Variants in HEATR4 observed in about 807,000 individuals in gnomAD.
HEATR4 encodes HEAT repeat-containing protein 4.
A neutral mutation model predicts 108.8 loss-of-function variants in HEATR4; 95 were observed. The ratio of observed to expected loss-of-function variants is 0.87; its 90% CI spans 0.74 to 1.04. HEATR4 has a LOEUF of 1.04. Among genes scored for constraint, HEATR4 ranks in the 50% least tolerant of loss-of-function variants. The pLI, the probability that HEATR4 is intolerant of heterozygous loss-of-function variation, is 0.00. For missense variants in HEATR4, 1,152 were observed against 1,253.8 expected, an observed-to-expected ratio of 0.92 and a Z score of 1.23; for synonymous variants, 443 against 459.4, an observed-to-expected ratio of 0.96 and a Z score of 0.46.
chr14:73,553,297 A>G (rs1889349832), intron 1 of HEATR4, among the ~76,000 whole-genome samples: 1 of 114,396 alleles, frequency 8.7e-6, no homozygotes, highest in South Asian at 2.8e-4. Flanking sequence ...ACCTGGGCTC[A>G]GGAGTTCAAG....
intron 1 of HEATR4, among the ~76,000 whole-genome samples, chr14:73,546,565 G>A (rs1459769179): frequency 2.6e-5 from 3 of 113,776 alleles, no homozygotes; most frequent in Non-Finnish European, 5.7e-5. Context: ...GTTTCACCAT[G>A]TTGTCCAGGC....
chr14:73,589,794 T>TGGAGATTGTACCTTCTGATGTTCCCA, the HEATR4 span, among the ~76,000 whole-genome samples: 1 of 152,150 alleles, frequency 6.6e-6, no homozygotes, highest in Non-Finnish European at 1.5e-5. Context: ...GCAGCGTGTC[T>TGGAGATTGTACCTTCTGATGTTCCCA]GGAGATTGTA....
the HEATR4 span, among the ~76,000 whole-genome samples, chr14:73,626,087 C>T: frequency 2.0e-5 from 3 of 152,288 alleles, no homozygotes; most frequent in East Asian, 5.8e-4. Flanking sequence ...GTAAAACATC[C>T]TTATGGCTGA....
chr14:73,505,238 T>A (rs897353224), intron 10 of HEATR4, among the ~76,000 whole-genome samples: 1 of 152,124 alleles, frequency 6.6e-6, no homozygotes, highest in Admixed American at 6.6e-5. Flanking sequence ...CTTTAACCAA[T>A]AAATTTAACC....
chr14:73,484,273 T>TA lies in HEATR4; in HGVS notation c.2845-5432dup, dbSNP rs550118732. On this transcript the variant is annotated intron_variant, in intron 17 of 17. Transcript: ENST00000553558. ...ATTCAACATCCTAGATAGCATCTGT[T>TA]ACGACGTATAGCAAGACTCAGCCAA... Among the ~76,000 whole-genome samples the TA allele has an allele frequency of 8.4e-4, 128 of 152,232 alleles. 1 individual carries two copies. Among genetic ancestry groups the TA allele is most frequent in the East Asian group, 1.5e-3 (8 of 5,188 alleles).
At chr14:73,503,958 C>T (rs1219130637) in intron 10 of HEATR4, among the ~76,000 whole-genome samples, 1 of 151,960 alleles carries the variant, frequency 6.6e-6, no homozygotes. Context: ...TTTCAGTTGT[C>T]AATTCTAAGT....
At chr14:73,615,555 A>G in the HEATR4 span, among the ~76,000 whole-genome samples, 1 of 151,790 alleles carries the variant, frequency 6.6e-6, no homozygotes, top group African/African-American at 2.4e-5. Flanking sequence ...ACATGGTGAA[A>G]CCCCATCTCT....
chr14:73,572,757 T>C, the HEATR4 span, among the ~76,000 whole-genome samples: 1 of 147,480 alleles, frequency 6.8e-6, no homozygotes, highest in Non-Finnish European at 1.5e-5. Flanking sequence ...GCGATTCTCC[T>C]CCCTCAGCCT....
chr14:73,597,467 C>T, the HEATR4 span, among the ~76,000 whole-genome samples: 1 of 151,938 alleles, frequency 6.6e-6, no homozygotes, highest in African/African-American at 2.4e-5. Context: ...TCACTGCAAC[C>T]TCTGTCTCCC....
chr14:73,523,366 G>T, intron 2 of HEATR4, 142 bp from the exon 3 acceptor site: 1 of 547,010 alleles, frequency 1.8e-6, no homozygotes. Context: ...AACAAAAGAA[G>T]AAAATGGTGC....
At chr14:73,607,411 C>T in the HEATR4 span, among the ~76,000 whole-genome samples, 1 of 152,192 alleles carries the variant, frequency 6.6e-6, no homozygotes, top group Non-Finnish European at 1.5e-5. Flanking sequence ...CAAGGCTGCA[C>T]ACAGCAGGAG....
intron 14 of HEATR4, 136 bp from the exon 15 acceptor site, chr14:73,496,815 A>G (rs1363011140): frequency 8.1e-6 from 5 of 614,278 alleles, no homozygotes; most frequent in Non-Finnish European, 1.5e-5. Context: ...TGAGCCTTAT[A>G]TGCAAAAATG....
chr14:73,508,576 C>A (rs1886996798), intron 8 of HEATR4, among the ~76,000 whole-genome samples: 1 of 151,796 alleles, frequency 6.6e-6, no homozygotes, highest in South Asian at 2.1e-4. Context: ...TGGTAAAACC[C>A]CATCTCTACT....
At chr14:73,604,247 C>T in the HEATR4 span, among the ~76,000 whole-genome samples, 1 of 146,542 alleles carries the variant, frequency 6.8e-6, no homozygotes, top group Non-Finnish European at 1.5e-5. Context: ...TCACTGCCAC[C>T]TCCACTTTCT....
chr14:73,562,419 A>G (rs1300144965), upstream of HEATR4, among the ~76,000 whole-genome samples: 1 of 152,056 alleles, frequency 6.6e-6, no homozygotes, highest in East Asian at 1.9e-4. Flanking sequence ...TGATTGTAAA[A>G]CATGTGTTTG....
the HEATR4 span, among the ~76,000 whole-genome samples, chr14:73,566,438 A>G: frequency 6.6e-6 from 1 of 151,960 alleles, no homozygotes; most frequent in Non-Finnish European, 1.5e-5. Flanking sequence ...AGGCGGGGGG[A>G]GGCTCAGGCA....
At chr14:73,567,551 G>A in the HEATR4 span, 1 of 151,872 alleles carries the variant, frequency 6.6e-6, no homozygotes, top group Non-Finnish European at 1.5e-5. Context: ...CTGTAAAATG[G>A]ACCAATCAGC....
chr14:73,500,275 G>A (rs945037493), intron 12 of HEATR4, among the ~76,000 whole-genome samples: 3 of 149,592 alleles, frequency 2.0e-5, no homozygotes, highest in African/African-American at 5.1e-5. Context: ...AATTATGCAC[G>A]GACCTTTTTT....
At chr14:73,574,533 G>A in the HEATR4 span, 1 of 396,002 alleles carries the variant, frequency 2.5e-6, no homozygotes. Context: ...AAACTGTTGG[G>A]ATTACAGGCG....
Sources: gnomAD v4.1 joint callset for allele counts (sites outside exome capture counted in the v4.1 genomes callset) on GRCh38, gnomAD v4.1.1 for gene constraint, MANE v1.5 for transcripts, NCBI Gene and HGNC (gene_info 2026-07-23, HGNC 2026-07-21) for gene names.